RBFOX1: variants seen among roughly 807,000 people sequenced by gnomAD.
RBFOX1 encodes the protein RNA binding protein fox-1 homolog 1.
In RBFOX1, 8 loss-of-function variants were observed where a neutral mutation model predicts 57.7. That is an observed-to-expected ratio of 0.14 (90% CI 0.08 to 0.25). The LOEUF (loss-of-function observed/expected upper bound fraction) is 0.25. RBFOX1 is among the 10% of genes least tolerant of loss of function. The pLI, the probability that RBFOX1 is intolerant of heterozygous loss-of-function variation, is 1.00. For synonymous variants in RBFOX1, 326 were observed against 222.4 expected, an observed-to-expected ratio of 1.47 and a Z score of -4.15; for missense variants, 611 against 548.5, an observed-to-expected ratio of 1.11 and a Z score of -1.14.
intron 1 of RBFOX1, among the ~76,000 whole-genome samples, chr16:6,111,574 A>G (rs2096447141): frequency 6.6e-6 from 1 of 152,228 alleles, no homozygotes; most frequent in Non-Finnish European, 1.5e-5. Flanking sequence ...GCAAAGCCCC[A>G]GGACTATGGC....
At chr16:5,357,634 T>C (rs953057754) in intron 1 of RBFOX1, among the ~76,000 whole-genome samples, 1 of 152,228 alleles carries the variant, frequency 6.6e-6, no homozygotes, top group Non-Finnish European at 1.5e-5. Context: ...TCCCAGGTGA[T>C]GGTGATGCTT....
chr16:6,697,015 A>C (rs747864563), intron 3 of RBFOX1, among the ~76,000 whole-genome samples: 21 of 152,196 alleles, frequency 1.4e-4, no homozygotes, highest in Non-Finnish European at 2.6e-4. Flanking sequence ...AACTTCCATA[A>C]AGAAAAGCTT....
At chr16:6,927,658 G>C (rs1438206098) in intron 3 of RBFOX1, among the ~76,000 whole-genome samples, 1 of 152,038 alleles carries the variant, frequency 6.6e-6, no homozygotes, top group Non-Finnish European at 1.5e-5. Context: ...TAATAGTGAG[G>C]ATGTCAGCAT....
At chr16:7,218,651 T>TGC (rs1567757147) in intron 4 of RBFOX1, among the ~76,000 whole-genome samples, 10 of 85,176 alleles carry the variant, frequency 1.2e-4, no homozygotes, top group African/African-American at 3.1e-4. Flanking sequence ...TGTGTGTGTG[T>TGC]GTGTGTGTGT....
At chr16:6,549,395 G>T (rs1421286874) in intron 2 of RBFOX1, among the ~76,000 whole-genome samples, 1 of 7,338 alleles carries the variant, frequency 1.4e-4, no homozygotes, top group East Asian at 8.9e-3. Flanking sequence ...GGACGAGGGA[G>T]GGAGGAGGAG....
intron 4 of RBFOX1, among the ~76,000 whole-genome samples, chr16:7,347,410 C>T (rs1293142955): frequency 6.6e-6 from 1 of 152,110 alleles, no homozygotes; most frequent in Non-Finnish European, 1.5e-5. Flanking sequence ...CATCAGGTTT[C>T]ATGAGACTTG....
At chr16:6,797,919 C>T (rs185549423) in intron 3 of RBFOX1, among the ~76,000 whole-genome samples, 34 of 152,056 alleles carry the variant, frequency 2.2e-4, no homozygotes, top group African/African-American at 7.5e-4. Flanking sequence ...CTTTCTGTGT[C>T]AGTATTTTCT....
intron 3 of RBFOX1, among the ~76,000 whole-genome samples, chr16:6,812,783 T>G (rs939192943): frequency 1.3e-5 from 2 of 152,174 alleles, no homozygotes; most frequent in African/African-American, 4.8e-5. Context: ...AAGCGGCATT[T>G]TCCTTGTGGA....
At chr16:6,626,558 G>A (rs951007948) in intron 2 of RBFOX1, among the ~76,000 whole-genome samples, 7 of 152,114 alleles carry the variant, frequency 4.6e-5, no homozygotes, top group African/African-American at 1.4e-4. Flanking sequence ...TCAGGAGTTC[G>A]AGACCAGCCT....
intron 2 of RBFOX1, among the ~76,000 whole-genome samples, chr16:6,564,455 G>T (rs2097227996): frequency 6.8e-6 from 1 of 146,034 alleles, no homozygotes; most frequent in African/African-American, 2.5e-5. Context: ...GTGAGACTCT[G>T]TCTCAAAAAC....
intron 1 of RBFOX1, among the ~76,000 whole-genome samples, chr16:5,342,001 C>G (rs1344738620): frequency 1.3e-5 from 2 of 152,120 alleles, no homozygotes; most frequent in Non-Finnish European, 2.9e-5. Flanking sequence ...AAGTTTGTTC[C>G]CCTCCTTCTG....
intron 3 of RBFOX1, among the ~76,000 whole-genome samples, chr16:6,804,923 A>T (rs1213261832): frequency 6.6e-6 from 1 of 152,300 alleles, no homozygotes; most frequent in Non-Finnish European, 1.5e-5. Context: ...AGATTCAAAG[A>T]CTTCTCATAT....
chr16:7,224,439 C>T (rs1208121474), intron 4 of RBFOX1, among the ~76,000 whole-genome samples: 6 of 152,168 alleles, frequency 3.9e-5, no homozygotes, highest in African/African-American at 1.4e-4. Context: ...CCATACCAAG[C>T]ATCACCAGCC....
At chr16:5,306,082 T>A in intron 1 of RBFOX1, among the ~76,000 whole-genome samples, 1 of 151,364 alleles carries the variant, frequency 6.6e-6, no homozygotes, top group East Asian at 2.0e-4. Flanking sequence ...GCACTGGGAG[T>A]CCCAGCTACT....
intron 3 of RBFOX1, among the ~76,000 whole-genome samples, chr16:6,868,067 G>T (rs1002961592): frequency 3.9e-5 from 6 of 152,110 alleles, no homozygotes; most frequent in Admixed American, 2.0e-4. Flanking sequence ...TGTTTTTGCC[G>T]TATGGGTGTT....
rs552274725 is a variant in RBFOX1, at chr16:6,803,046, A to C, written c.-16+148396A>C. ...TAGGAAAAGGGACTTACTCATTTCC[A>C]TTGAACTCAAAATGTTACTTTGTGT... On this transcript the variant is annotated intron_variant, in intron 3 of 15. Coordinates refer to ENST00000550418, the MANE Select transcript of RBFOX1 (RefSeq NM_018723.4). Among the ~76,000 whole-genome samples, 17 of 152,264 alleles carry C rather than the reference A, an allele frequency of 1.1e-4. No individual in the cohort carries two copies. In the South Asian group the frequency reaches 3.3e-3, roughly 30 times the overall value.
chr16:6,724,905 G>C (rs566271898), intron 3 of RBFOX1, among the ~76,000 whole-genome samples: 2 of 152,130 alleles, frequency 1.3e-5, no homozygotes, highest in Admixed American at 6.5e-5. Flanking sequence ...GTAACTTCCT[G>C]ACCTTGCTGT....
At chr16:7,670,611 G>T (rs1480389546) in intron 13 of RBFOX1, among the ~76,000 whole-genome samples, 8 of 152,148 alleles carry the variant, frequency 5.3e-5, no homozygotes, top group Non-Finnish European at 1.0e-4. Flanking sequence ...AGCGAAAGGA[G>T]GAGAGAGAGG....
intron 4 of RBFOX1, among the ~76,000 whole-genome samples, chr16:7,065,485 A>G (rs1246046831): frequency 6.6e-6 from 1 of 152,178 alleles, no homozygotes; most frequent in African/African-American, 2.4e-5. Context: ...CAAAGCTGCC[A>G]TCTATCTAAG....
Sources: gnomAD v4.1 joint callset for allele counts (sites outside exome capture counted in the v4.1 genomes callset) on GRCh38, gnomAD v4.1.1 for gene constraint, MANE v1.5 for transcripts, NCBI Gene and HGNC (gene_info 2026-07-23, HGNC 2026-07-21) for gene names.